Variants in ENPP5 observed in about 807,000 individuals in gnomAD.
ENPP5 encodes the protein E-NPP 5.
In ENPP5, 27 loss-of-function variants were observed where a neutral mutation model predicts 33.7. That is an observed-to-expected ratio of 0.80 (90% CI 0.59 to 1.11). The LOEUF (loss-of-function observed/expected upper bound fraction) is 1.11, where lower values mean the gene tolerates loss of function less well. Among genes scored for constraint, ENPP5 ranks in the 50% least tolerant of loss-of-function variants. The pLI is 0.00. For missense variants in ENPP5, 552 were observed against 579.2 expected, an observed-to-expected ratio of 0.95 and a Z score of 0.48; for synonymous variants, 199 against 200.5, an observed-to-expected ratio of 0.99 and a Z score of 0.06.
chr6:46,167,208 T>C (rs1312002029), intron 3 of ENPP5, among the ~76,000 whole-genome samples: 1 of 152,110 alleles, frequency 6.6e-6, no homozygotes, highest in Non-Finnish European at 1.5e-5. Context: ...CTGCCATACA[T>C]ACATAGAGCA....
intron 3 of ENPP5, among the ~76,000 whole-genome samples, chr6:46,167,160 T>G (rs1210659377): frequency 6.6e-6 from 1 of 152,178 alleles, no homozygotes; most frequent in Non-Finnish European, 1.5e-5. Flanking sequence ...GGCTATAGCT[T>G]TCATAATATT....
chr6:46,170,534 C>G (rs1408344875), intron 1 of ENPP5, among the ~76,000 whole-genome samples: 1 of 152,092 alleles, frequency 6.6e-6, no homozygotes, highest in East Asian at 1.9e-4. Flanking sequence ...AAGGACGGGG[C>G]ACCGATTAAA....
In ENPP5 at chr6:46,161,176, T is replaced by TGC; in HGVS notation, c.*149_*150insGC. ...GTATTTTGGTCCGTGTGTGTGTATG[T>TGC]GTGTGTGTGTGTGTGTGTATACCTA... On this transcript the variant is annotated 3_prime_UTR_variant, in exon 5 of 5. Transcript: ENST00000371383. 8 of 597,738 alleles carry TGC rather than the reference T, an allele frequency of 1.3e-5. No individual in the cohort carries two copies. The highest frequency in any genetic ancestry group is 4.2e-5 in the South Asian group (2 of 48,174). 37.0% of individuals were successfully genotyped at this position (597,738 alleles called of 1,614,324 possible). A position where few individuals can be genotyped will look rare whatever the true frequency, so the allele number is the denominator to read the frequency against.
chr6:46,165,327 A>G, intron 4 of ENPP5, 60 bp downstream of exon 4: 1 of 1,286,346 alleles, frequency 7.8e-7, no homozygotes, highest in African/African-American at 1.5e-5. Context: ...TATGTATTTA[A>G]ACTGTTGTAT....
intron 4 of ENPP5, chr6:46,165,030 G>T (rs1055710841): frequency 3.2e-5 from 5 of 155,904 alleles, no homozygotes; most frequent in Non-Finnish European, 5.7e-5. Context: ...GAGAGCCACC[G>T]CACCTGGCCA....
intron 2 of ENPP5, 126 bp from the exon 3 acceptor site, chr6:46,168,423 C>G (rs915252799): frequency 3.5e-5 from 17 of 491,106 alleles, no homozygotes; most frequent in Non-Finnish European, 1.4e-5. Context: ...AGAATTATGT[C>G]ACAGAACTCC....
chr6:46,168,769 T>TA (rs1764637313), intron 2 of ENPP5, among the ~76,000 whole-genome samples: 1 of 151,244 alleles, frequency 6.6e-6, no homozygotes, highest in Admixed American at 6.6e-5. Flanking sequence ...ATATATATTA[T>TA]ATATATATGT....
intron 3 of ENPP5, among the ~76,000 whole-genome samples, chr6:46,166,342 G>A (rs1764543304): frequency 6.6e-6 from 1 of 150,866 alleles, no homozygotes; most frequent in African/African-American, 2.4e-5. Flanking sequence ...CGCCCAAGGA[G>A]GAGTGCAGTG....
At chr6:46,170,552 G>A (rs187828594) in intron 1 of ENPP5, among the ~76,000 whole-genome samples, 100 of 152,260 alleles carry the variant, frequency 6.6e-4, no homozygotes, top group African/African-American at 2.3e-3. Context: ...AAACGGAAGA[G>A]GGAAAGTGCA....
rs866029429 is a variant in ENPP5 at position 46,167,588 on chromosome 6, T to A, written c.675A>T (p.Ala225=). The A allele has an allele frequency of 6.2e-7, 1 of 1,614,224 alleles. No individual in the cohort carries two copies. ...TTAGGTTCAGAGTGTTCCACAACTT[T>A]GCCTTTTTCAGCATTTGTATGAGAT... ...LGYLIQMLKK[A]KLWNTLNLII... Residue 225 remains alanine, a synonymous_variant, in exon 3 of 5, where the codon GCA becomes GCT. Coordinates refer to ENST00000371383, the MANE Select transcript of ENPP5 (RefSeq NM_001290072.2).
chr6:46,168,228 A>G lies in ENPP5; in HGVS notation c.35T>C (p.Leu12Pro), dbSNP rs755915456. 2.5e-6 allele frequency: 4 copies of G among 1,599,380 alleles called. No homozygotes were observed. In the Admixed American group the frequency reaches 6.8e-5, roughly 27 times the overall value. The change falls in exon 3 of 5, where the codon CTT becomes CCT. Residue 12 changes from leucine to proline, a missense_variant. Coordinates refer to ENST00000371383, the MANE Select transcript of ENPP5 (RefSeq NM_001290072.2). ...TSKFLLVSFI[L>P]AALSLSTTFS... ...GGTGGTTGAAAGACTCAGTGCAGCA[A>G]GTATGAAGGACACCAAGAGAAATTT...
intron 4 of ENPP5, 193 bp downstream of exon 4, chr6:46,165,194 A>G (rs1164396212): frequency 6.2e-6 from 3 of 480,674 alleles, no homozygotes; most frequent in Non-Finnish European, 7.2e-6. Context: ...CATTTTGTAT[A>G]TATCTTTTAC....
chr6:46,166,447 A>ATTTTTT (rs60483260), intron 3 of ENPP5, among the ~76,000 whole-genome samples: 3 of 120,112 alleles, frequency 2.5e-5, no homozygotes, highest in Non-Finnish European at 3.4e-5. Flanking sequence ...ACACCAGGCT[A>ATTTTTT]TTTTTTTTTT....
chr6:46,162,652 C>T (rs776630516), intron 4 of ENPP5, among the ~76,000 whole-genome samples: 16 of 152,050 alleles, frequency 1.1e-4, no homozygotes, highest in South Asian at 2.1e-4. Context: ...CCATCCACCT[C>T]GAAAAAATCC....
chr6:46,168,710 C>T (rs1764631974), intron 2 of ENPP5, among the ~76,000 whole-genome samples: 1 of 151,900 alleles, frequency 6.6e-6, no homozygotes, highest in Admixed American at 6.6e-5. Flanking sequence ...ACTATGGCAA[C>T]CTAGCAACAA....
intron 2 of ENPP5, among the ~76,000 whole-genome samples, chr6:46,169,141 C>T (rs1359755528): frequency 1.3e-5 from 2 of 152,170 alleles, no homozygotes; most frequent in African/African-American, 4.8e-5. Flanking sequence ...TTCCCCTAAT[C>T]TGTGTATATT....
In ENPP5 at chr6:46,167,477, G is replaced by T. The variant is rs1389384325; in HGVS notation, c.786C>A (p.Thr262=). ...LDQYLDKDHY[T]LIDQSPVAAI... is the part of the protein sequence containing the mutation. The stretch of plus-strand genomic sequence containing the variant: ...CTGCTACTGGAGATTGATCAATCAG[G>T]GTATAGTGGTCTTTATCCAGGTACT... Residue 262 remains threonine, a synonymous_variant, in exon 3 of 5, where the codon ACC becomes ACA. Coordinates refer to ENST00000371383, the MANE Select transcript of ENPP5 (RefSeq NM_001290072.2). 28 of 1,613,808 alleles carry T rather than the reference G, an allele frequency of 1.7e-5. No homozygotes were observed. The highest frequency in any genetic ancestry group is 2.3e-5 in the Non-Finnish European group (27 of 1,179,888).
At chr6:46,164,539 A>G (rs1764479090) in intron 4 of ENPP5, among the ~76,000 whole-genome samples, 1 of 152,196 alleles carries the variant, frequency 6.6e-6, no homozygotes, top group Non-Finnish European at 1.5e-5. Context: ...TGACCAATCT[A>G]TTGTGTAACT....
At chr6:46,163,419 A>G (rs1264372749) in intron 4 of ENPP5, among the ~76,000 whole-genome samples, 1 of 127,652 alleles carries the variant, frequency 7.8e-6, no homozygotes, top group African/African-American at 3.0e-5. Context: ...TCCTGTGTCC[A>G]TGTGATCTCA....
Sources: allele counts gnomAD v4.1 joint callset (sites outside exome capture counted in the v4.1 genomes callset), GRCh38; gene constraint gnomAD v4.1.1; transcripts MANE v1.5; gene names NCBI Gene and HGNC (gene_info 2026-07-23, HGNC 2026-07-21).